The following ADPRHL1 variants were observed in gnomAD, a reference collection of about 807,000 sequenced individuals.
ADPRHL1 encodes inactive ADP-ribosyltransferase ARH2.
A neutral mutation model predicts 44.1 loss-of-function variants in ADPRHL1; 43 were observed. That is an observed-to-expected ratio of 0.98 (90% CI 0.76 to 1.26). The LOEUF (loss-of-function observed/expected upper bound fraction) is 1.26, where lower values mean the gene tolerates loss of function less well. Ranked by LOEUF, ADPRHL1 falls within the 50% of genes most tolerant of loss-of-function variation. ADPRHL1 has a pLI of 0.00. For missense variants in ADPRHL1, 2,022 were observed against 2,496.9 expected, an observed-to-expected ratio of 0.81 and a Z score of 4.05; for synonymous variants, 878 against 1,017.4, an observed-to-expected ratio of 0.86 and a Z score of 2.61.
At chr13:113,430,897 G>A (rs527425910) in intron 3 of ADPRHL1, among the ~76,000 whole-genome samples, 3 of 152,332 alleles carry the variant, frequency 2.0e-5, no homozygotes, top group East Asian at 1.9e-4. Flanking sequence ...CCCCGTTGCC[G>A]AGCCCTTGCC....
At chr13:113,452,904 T>C (rs1484611094) in intron 1 of ADPRHL1, among the ~76,000 whole-genome samples, 1 of 152,200 alleles carries the variant, frequency 6.6e-6, no homozygotes, top group East Asian at 1.9e-4. Flanking sequence ...TGGCTTTAAC[T>C]CTATTAGAAA....
chr13:113,420,476 C>T (rs886672459), intron 7 of ADPRHL1, among the ~76,000 whole-genome samples: 5 of 152,076 alleles, frequency 3.3e-5, no homozygotes, highest in African/African-American at 7.3e-5. Context: ...TTCCGGTAAG[C>T]GGGCAAAACA....
chr13:113,435,949 T>C (rs1220257380), intron 2 of ADPRHL1, among the ~76,000 whole-genome samples: 9 of 139,394 alleles, frequency 6.5e-5, no homozygotes, highest in African/African-American at 1.6e-4. Context: ...GGCACCCAGG[T>C]GCAGGGTGAA....
intron 1 of ADPRHL1, among the ~76,000 whole-genome samples, chr13:113,448,306 A>C (rs1229882114): frequency 6.6e-6 from 1 of 151,854 alleles, no homozygotes; most frequent in Non-Finnish European, 1.5e-5. Context: ...CAGCCTGGGC[A>C]ACATAGTGAA....
At chr13:113,422,603 A>T in intron 7 of ADPRHL1, 1 of 628,152 alleles carries the variant, frequency 1.6e-6, no homozygotes, top group South Asian at 2.1e-5. Flanking sequence ...CGCAGTGTCA[A>T]TGTTGATGGT....
rs1389471568 is a variant in ADPRHL1 at position 113,406,617 on chromosome 13, C to T, written c.2665G>A (p.Val889Met). 11 of 1,231,924 alleles carry T rather than the reference C, an allele frequency of 8.9e-6. No individual in the cohort carries two copies. In the Admixed American group the frequency reaches 1.3e-4, roughly 14 times the overall value. 76.3% of individuals were successfully genotyped at this position (1,231,924 alleles called of 1,614,324 possible). A position where few individuals can be genotyped will look rare whatever the true frequency, so the allele number is the denominator to read the frequency against. ...CGGTGACCCCTTCTGTTCTCAGTCA[C>T]GGTGGGAAATTCTGTGTGGGCATTT... is the stretch of plus-strand genomic sequence containing the variant. Reference protein sequence around the residue: ...VENAHTEFPTVTENRRGHRAP... With the variant: ...VENAHTEFPTMTENRRGHRAP... Residue 889 changes from valine (V) to methionine (M), a missense_variant, in exon 8 of 8, where the codon GTG becomes ATG. Coordinates refer to ENST00000612156, the MANE Select transcript of ADPRHL1 (RefSeq NM_001394807.1).
chr13:113,423,747 G>A (rs982415735), intron 6 of ADPRHL1, among the ~76,000 whole-genome samples: 7 of 152,346 alleles, frequency 4.6e-5, no homozygotes, highest in African/African-American at 9.6e-5. Context: ...AGCAGGATGC[G>A]AGCCCAGGAC....
intron 6 of ADPRHL1, 63 bp downstream of exon 6, chr13:113,424,154 G>C: frequency 6.3e-7 from 1 of 1,596,724 alleles, no homozygotes; most frequent in East Asian, 2.2e-5. Flanking sequence ...GACACTCCGA[G>C]GGGGTGCTTC....
chr13:113,424,634 T>C (rs2043950215), intron 5 of ADPRHL1, among the ~76,000 whole-genome samples: 1 of 31,288 alleles, frequency 3.2e-5, no homozygotes, highest in Non-Finnish European at 7.2e-5. Flanking sequence ...TTTTGTATTT[T>C]TAGTAGAGAT....
chr13:113,412,736 A>C (rs1341218789), intron 7 of ADPRHL1, among the ~76,000 whole-genome samples: 1 of 149,514 alleles, frequency 6.7e-6, no homozygotes, highest in East Asian at 2.0e-4. Context: ...CACCGCCAAC[A>C]GTGCCCCGCG....
chr13:113,444,944 G>A (rs2044126718), intron 1 of ADPRHL1, among the ~76,000 whole-genome samples: 1 of 152,114 alleles, frequency 6.6e-6, no homozygotes, highest in South Asian at 2.1e-4. Flanking sequence ...CTTTTCTAAT[G>A]GTTCCATCTA....
rs2043775997 is a variant in ADPRHL1 at position 113,403,256 on chromosome 13, T to C, written c.*122A>G. 1.1e-6 allele frequency: 1 copy of C among 883,634 alleles called. No individual in the cohort carries two copies. Among genetic ancestry groups the C allele is most frequent in the South Asian group, 6.0e-5 (1 of 16,712 alleles). The allele number at this position is 883,634 out of a possible 1,614,324, so 54.7% of individuals were successfully genotyped here. On this transcript the variant is annotated 3_prime_UTR_variant, in exon 8 of 8. Coordinates refer to ENST00000612156, the MANE Select transcript of ADPRHL1 (RefSeq NM_001394807.1). The stretch of plus-strand genomic sequence containing the variant: ...AGCTTGTGAAGAAGGGAAAGAAAAT[T>C]ATGGAAACAGGCGTCTCTGTAGGGG...
At chr13:113,432,833 T>A (rs899342785) in intron 3 of ADPRHL1, among the ~76,000 whole-genome samples, 1 of 152,238 alleles carries the variant, frequency 6.6e-6, no homozygotes, top group African/African-American at 2.4e-5. Context: ...TGCGTGGGAC[T>A]GGGCGGTGCC....
intron 7 of ADPRHL1, among the ~76,000 whole-genome samples, chr13:113,410,712 CCA>C (rs10571731): frequency 0.31 from 46,483 of 151,938 alleles, 8,437 homozygotes; most frequent in African/African-American, 0.51. Context: ...CCCCCTGAAC[CCA>C]GAGTCGACAG....
intron 1 of ADPRHL1, among the ~76,000 whole-genome samples, chr13:113,450,696 T>C (rs544448544): frequency 9.2e-5 from 14 of 152,280 alleles, no homozygotes; most frequent in Admixed American, 6.5e-4. Context: ...AGACAGCTTA[T>C]GCCATTATTT....
chr13:113,406,560 T>C lies in ADPRHL1; in HGVS notation c.2722A>G (p.Met908Val), dbSNP rs562156190. The change falls in exon 8 of 8, where the codon ATG becomes GTG. Residue 908 changes from methionine (M) to valine (V), a missense_variant. Physicochemically the swap from Met to Val is conservative, Grantham distance 21 (BLOSUM62 1). Transcript: ENST00000612156. ...GAAGAGGCGCTGAGTCCCGCCTGCA[T>C]CCCTGAAAGCTTGCTCAGTTCCACT... ...APVELSKLSG[M>V]QAGLSASSPQ... The C allele has an allele frequency of 6.5e-6, 8 of 1,231,996 alleles. No individual in the cohort carries two copies. The East Asian group carries it at 1.6e-4, about 24-fold the overall frequency. The allele number at this position is 1,231,996 out of a possible 1,614,324, so 76.3% of individuals were successfully genotyped here.
At chr13:113,434,308 A>G in intron 2 of ADPRHL1, among the ~76,000 whole-genome samples, 1 of 151,858 alleles carries the variant, frequency 6.6e-6, no homozygotes, top group Non-Finnish European at 1.5e-5. Context: ...CCCAGCATCC[A>G]CACGTAGAGT....
chr13:113,423,324 G>A (rs2043940597), intron 6 of ADPRHL1, among the ~76,000 whole-genome samples: 3 of 152,280 alleles, frequency 2.0e-5, no homozygotes, highest in Middle Eastern at 3.4e-3. Context: ...CCTCCCTGGG[G>A]CAGGCATCTG....
At position 113,433,727 on chromosome 13, in the gene ADPRHL1, C is replaced by T. The variant is rs755859475; in HGVS notation, c.505+15G>A. 1 of 1,578,744 alleles carries T rather than the reference C, an allele frequency of 6.3e-7. No individual in the cohort carries two copies. ...CTCCACGCTGACCTCCCTCCCACCC[C>T]CCGCCCACACTTACCTGTGGGATGG... On this transcript the variant is annotated intron_variant, in intron 3 of 7. Coordinates refer to ENST00000612156, the MANE Select transcript of ADPRHL1 (RefSeq NM_001394807.1).
Sources: allele counts gnomAD v4.1 joint callset (sites outside exome capture counted in the v4.1 genomes callset), GRCh38; gene constraint gnomAD v4.1.1; transcripts MANE v1.5; gene names NCBI Gene and HGNC (gene_info 2026-07-23, HGNC 2026-07-21).